The following DCAF5 variants were observed in gnomAD, a reference collection of about 807,000 sequenced individuals.
DCAF5 encodes the protein DDB1- and CUL4-associated factor 5.
In DCAF5, 9 loss-of-function variants were observed where a neutral mutation model predicts 80.7. The observed-to-expected ratio is 0.11, with a 90% CI of 0.07 to 0.19. The LOEUF is 0.19. DCAF5 is among the 10% of genes least tolerant of loss of function. The pLI, the probability that DCAF5 is intolerant of heterozygous loss-of-function variation, is 1.00. For synonymous variants in DCAF5, 433 were observed against 461.9 expected (o/e 0.94, Z 0.80); for missense variants, 842 against 1,205.7 (o/e 0.70, Z 4.47).
At chr14:69,117,343 A>C (rs2140057902) in intron 4 of DCAF5, among the ~76,000 whole-genome samples, 1 of 152,324 alleles carries the variant, frequency 6.6e-6, no homozygotes, top group East Asian at 1.9e-4. Flanking sequence ...CTTCTCTTAT[A>C]GCCTGAACCT....
intron 4 of DCAF5, among the ~76,000 whole-genome samples, chr14:69,117,572 G>A (rs2040581461): frequency 6.6e-6 from 1 of 152,132 alleles, no homozygotes; most frequent in Non-Finnish European, 1.5e-5. Context: ...AAATCTCTCT[G>A]TAGGAAATGA....
chr14:69,078,555 T>C (rs1443780626), intron 6 of DCAF5, among the ~76,000 whole-genome samples: 6 of 152,248 alleles, frequency 3.9e-5, no homozygotes, highest in Non-Finnish European at 5.9e-5. Flanking sequence ...CCCCTATGTG[T>C]CCATCAACAT....
intron 5 of DCAF5, among the ~76,000 whole-genome samples, chr14:69,100,437 C>A (rs1165823882): frequency 1.3e-5 from 2 of 152,236 alleles, no homozygotes; most frequent in South Asian, 2.1e-4. Flanking sequence ...TATTTTAAAT[C>A]CATATAATAA....
At chr14:69,060,513 G>A (rs945081212) in intron 8 of DCAF5, among the ~76,000 whole-genome samples, 2 of 151,948 alleles carry the variant, frequency 1.3e-5, no homozygotes, top group Non-Finnish European at 2.9e-5. Context: ...TAAAAATACT[G>A]ACCTACATGC....
intron 5 of DCAF5, among the ~76,000 whole-genome samples, chr14:69,107,074 A>AATAC (rs2040189039): frequency 6.6e-6 from 1 of 152,150 alleles, no homozygotes; most frequent in African/African-American, 2.4e-5. Context: ...TAATTAAATA[A>AATAC]GAAAGTCCAT....
chr14:69,083,505 C>A (rs1444894484), intron 6 of DCAF5: 2 of 330,914 alleles, frequency 6.0e-6, no homozygotes, highest in Non-Finnish European at 5.9e-6. Flanking sequence ...TGACCCTGTC[C>A]GAAACTCAAA....
At chr14:69,099,326 T>A (rs2039869600) in intron 5 of DCAF5, among the ~76,000 whole-genome samples, 1 of 148,158 alleles carries the variant, frequency 6.7e-6, no homozygotes, top group African/African-American at 2.5e-5. Context: ...ACAGGCTCCA[T>A]CGAGATTCAC....
At chr14:69,094,672 T>G (rs528628919) in intron 5 of DCAF5, among the ~76,000 whole-genome samples, 1 of 152,350 alleles carries the variant, frequency 6.6e-6, no homozygotes, top group Admixed American at 6.5e-5. Flanking sequence ...AAGGATGATC[T>G]GGTTTGCCGG....
At position 69,118,617 on chromosome 14, in the gene DCAF5, G is replaced by A. The variant is rs1263086239; in HGVS notation, c.396-339C>T. ...CATACTTGATTTTCAAAAAGCAAGG[G>A]AAAGCTTTAAAGCAGCCAAGTCTGA... On this transcript the variant is annotated intron_variant, in intron 3 of 8. Coordinates refer to ENST00000341516, the MANE Select transcript of DCAF5 (RefSeq NM_003861.3). This position sits in a 1 kb window ranked among gnomAD's most constrained non-coding sequence, Gnocchi z 4.0. 6.6e-6 allele frequency among the ~76,000 whole-genome samples: 1 copy of A among 152,182 alleles called. No homozygotes were observed. Among genetic ancestry groups the A allele is most frequent in the Non-Finnish European group, 1.5e-5 (1 of 68,034 alleles).
intron 8 of DCAF5, among the ~76,000 whole-genome samples, chr14:69,058,295 G>T (rs772169672): frequency 6.6e-6 from 1 of 151,998 alleles, no homozygotes; most frequent in Non-Finnish European, 1.5e-5. Context: ...GTGGCGGGTA[G>T]ATCACTTGAG....
At chr14:69,138,377 A>C (rs1229878648) in intron 1 of DCAF5, among the ~76,000 whole-genome samples, 1 of 152,234 alleles carries the variant, frequency 6.6e-6, no homozygotes, top group African/African-American at 2.4e-5. Flanking sequence ...GCTAAGAATT[A>C]AAACTGGAGA....
At chr14:69,098,727 C>CAAAAAA (rs35501979) in intron 5 of DCAF5, among the ~76,000 whole-genome samples, 2 of 92,522 alleles carry the variant, frequency 2.2e-5, no homozygotes, top group East Asian at 3.0e-4. Context: ...ACTAAAAATA[C>CAAAAAA]AAAAAAAAAA....
intron 1 of DCAF5, among the ~76,000 whole-genome samples, chr14:69,151,106 A>T (rs572902234): frequency 3.3e-5 from 5 of 152,198 alleles, no homozygotes; most frequent in Non-Finnish European, 4.4e-5. Flanking sequence ...ACTGGGAGCT[A>T]GGTCTATAAA....
chr14:69,122,165 C>T, intron 2 of DCAF5, 52 bp downstream of exon 2: 1 of 1,582,558 alleles, frequency 6.3e-7, no homozygotes. Flanking sequence ...GCACTCTTTT[C>T]TCTAAAATCC....
intron 5 of DCAF5, among the ~76,000 whole-genome samples, chr14:69,109,773 C>A (rs1368525077): frequency 6.6e-6 from 1 of 152,114 alleles, no homozygotes; most frequent in East Asian, 1.9e-4. Flanking sequence ...ATAAATAAAG[C>A]AGCTGTAAAT....
intron 1 of DCAF5, among the ~76,000 whole-genome samples, chr14:69,151,114 A>G (rs1306722802): frequency 6.6e-6 from 1 of 152,180 alleles, no homozygotes; most frequent in Non-Finnish European, 1.5e-5. Context: ...CTAGGTCTAT[A>G]AAGAAGAGGT....
intron 7 of DCAF5, among the ~76,000 whole-genome samples, chr14:69,066,907 G>C (rs552298246): frequency 6.6e-6 from 1 of 152,322 alleles, no homozygotes; most frequent in East Asian, 1.9e-4. Flanking sequence ...CCAAGAATGA[G>C]TACGTTTTTG....
At chr14:69,061,914 G>A (rs1243202775) in intron 8 of DCAF5, among the ~76,000 whole-genome samples, 1 of 152,094 alleles carries the variant, frequency 6.6e-6, no homozygotes, top group South Asian at 2.1e-4. Context: ...AGCTACTTTG[G>A]GGGGCTCAGG....
At chr14:69,072,383 A>G (rs1345809175) in intron 7 of DCAF5, among the ~76,000 whole-genome samples, 1 of 152,070 alleles carries the variant, frequency 6.6e-6, no homozygotes, top group East Asian at 1.9e-4. Flanking sequence ...TTACAAAAAT[A>G]GTGGAGGTAA....
Sources: gnomAD v4.1 joint callset for allele counts (sites outside exome capture counted in the v4.1 genomes callset) on GRCh38, gnomAD v4.1.1 for gene constraint, Gnocchi (gnomAD v3.1) non-coding constraint, MANE v1.5 for transcripts, NCBI Gene and HGNC (gene_info 2026-07-23, HGNC 2026-07-21) for gene names.